Variants in SVOPL observed in about 807,000 individuals in gnomAD.
SVOPL encodes the protein putative transporter SVOPL.
SVOPL carries 60 observed loss-of-function variants against 61.0 expected under a neutral mutation model. The observed-to-expected ratio is 0.98, with a 90% CI of 0.80 to 1.22. The LOEUF is 1.22. Among genes scored for constraint, SVOPL ranks in the 50% most tolerant of loss-of-function variants. The pLI is 0.00. For synonymous variants in SVOPL, 279 were observed against 250.0 expected (o/e 1.12, Z -1.09); for missense variants, 662 against 643.9 (o/e 1.03, Z -0.30).
At chr7:138,637,670 G>A (rs1472162815) in intron 9 of SVOPL, among the ~76,000 whole-genome samples, 1 of 151,934 alleles carries the variant, frequency 6.6e-6, no homozygotes, top group African/African-American at 2.4e-5. Flanking sequence ...AAACCAAATC[G>A]GCCAGACGTA....
intron 6 of SVOPL, 91 bp from the exon 7 acceptor site, chr7:138,656,602 A>G (rs1584844719): frequency 7.5e-7 from 1 of 1,328,600 alleles, no homozygotes; most frequent in East Asian, 2.4e-5. Flanking sequence ...ACAGGGATAA[A>G]GAATTCAAAA....
At position 138,596,441 on chromosome 7, in the gene SVOPL, G is replaced by A. The variant is rs148292708; in HGVS notation, c.1443C>T (p.Ile481=). The change falls in exon 15 of 16, where the codon ATC becomes ATT. Residue 481 remains isoleucine (I), a synonymous_variant. Coordinates refer to ENST00000674285, the MANE Select transcript of SVOPL (RefSeq NM_001139456.2). ...VCAISAFTLP[I]ETKGRALQQI... is the part of the protein sequence containing the mutation. Reference sequence around the variant, plus strand: ...CCTGGAGGGCCCGTCCTTTGGTTTCGATGGGGAGAGTGAATGCAGAAATGG... The same window carrying A: ...CCTGGAGGGCCCGTCCTTTGGTTTCAATGGGGAGAGTGAATGCAGAAATGG... The A allele has an allele frequency of 4.3e-4, 697 of 1,613,866 alleles. 2 individuals carry two copies. The African/African-American group carries it at 7.7e-3, about 18-fold the overall frequency.
At chr7:138,676,181 G>A (rs920003718) in intron 3 of SVOPL, among the ~76,000 whole-genome samples, 14 of 152,182 alleles carry the variant, frequency 9.2e-5, no homozygotes, top group Admixed American at 6.5e-5. Context: ...AGGAGAAAGC[G>A]GGAGTAGTGG....
At chr7:138,679,741 T>G (rs1380170521) in intron 1 of SVOPL, among the ~76,000 whole-genome samples, 1 of 152,170 alleles carries the variant, frequency 6.6e-6, no homozygotes, top group African/African-American at 2.4e-5. Context: ...ACCCCATAAC[T>G]GGCAAGTACT....
intron 7 of SVOPL, among the ~76,000 whole-genome samples, chr7:138,654,914 G>A (rs1188928296): frequency 6.6e-6 from 1 of 150,480 alleles, no homozygotes; most frequent in Non-Finnish European, 1.5e-5. Flanking sequence ...GAGCCTGCTG[G>A]GTACAGTGGC....
At chr7:138,662,920 T>C (rs901017167) in intron 5 of SVOPL, 154 bp downstream of exon 5, 3 of 1,458,694 alleles carry the variant, frequency 2.1e-6, no homozygotes, top group African/African-American at 2.8e-5. Context: ...GTCCAGAAGA[T>C]AAGCCTGGAA....
intron 9 of SVOPL, among the ~76,000 whole-genome samples, chr7:138,634,700 T>A (rs1357338537): frequency 7.7e-6 from 1 of 130,420 alleles, no homozygotes; most frequent in Non-Finnish European, 1.6e-5. Flanking sequence ...TGGTGGCACA[T>A]GCCTGCAATT....
intron 14 of SVOPL, among the ~76,000 whole-genome samples, chr7:138,616,288 A>G (rs531198542): frequency 6.6e-6 from 1 of 152,144 alleles, no homozygotes; most frequent in Admixed American, 6.5e-5. Flanking sequence ...CCCTTGACCT[A>G]TTGGCAGAGG....
chr7:138,614,896 T>C lies in SVOPL; in HGVS notation c.1353+6150A>G, dbSNP rs140396265. ...GATTTTAAATGCTTTTCAATGCTTT[T>C]TTTGGATGCTGGACCATCTCATTTG... On this transcript the variant is annotated intron_variant, in intron 14 of 15. Coordinates refer to ENST00000674285, the MANE Select transcript of SVOPL (RefSeq NM_001139456.2). Among the ~76,000 whole-genome samples the C allele has an allele frequency of 4.7e-3, 720 of 152,278 alleles. 8 individuals carry two copies. Among genetic ancestry groups the C allele is most frequent in the African/African-American group, 0.017 (693 of 41,542 alleles).
intron 14 of SVOPL, among the ~76,000 whole-genome samples, chr7:138,599,082 A>G (rs557449246): frequency 1.4e-5 from 2 of 143,086 alleles, no homozygotes; most frequent in African/African-American, 5.3e-5. Context: ...CTATAATTGC[A>G]CCTGAGAATA....
Position 138,684,605 on chromosome 7 carries a change from CA to C in SVOPL, c.-34-5527del, listed in dbSNP as rs1218710226. ...GTTAGGACGGCGATTATCAAAAGGT[CA>C]AGAGAGAGATAGTTGTGGGAATGTG... On this transcript the variant is annotated intron_variant, in intron 1 of 15. Coordinates refer to ENST00000674285, the MANE Select transcript of SVOPL (RefSeq NM_001139456.2). 1.6e-4 allele frequency among the ~76,000 whole-genome samples: 24 copies of C among 152,144 alleles called. 1 individual carries two copies. The highest frequency in any genetic ancestry group is 1.3e-4 in the Non-Finnish European group (9 of 68,036).
chr7:138,619,685 G>T (rs1799464146), intron 14 of SVOPL, among the ~76,000 whole-genome samples: 1 of 150,708 alleles, frequency 6.6e-6, no homozygotes, highest in African/African-American at 2.4e-5. Context: ...ACCTGATAAA[G>T]TCTGCTCAGC....
At chr7:138,633,618 T>C (rs906292590) in intron 9 of SVOPL, among the ~76,000 whole-genome samples, 1 of 152,184 alleles carries the variant, frequency 6.6e-6, no homozygotes, top group African/African-American at 2.4e-5. Flanking sequence ...CAGGTATTCC[T>C]TTATAGCAAT....
chr7:138,624,250 AC>A (rs1268175941), intron 13 of SVOPL, among the ~76,000 whole-genome samples: 1 of 152,166 alleles, frequency 6.6e-6, no homozygotes, highest in Non-Finnish European at 1.5e-5. Flanking sequence ...TTTTAATAGA[AC>A]TGATGCTTAA....
At chr7:138,602,060 T>A (rs1402581500) in intron 14 of SVOPL, among the ~76,000 whole-genome samples, 2 of 152,134 alleles carry the variant, frequency 1.3e-5, no homozygotes, top group Non-Finnish European at 2.9e-5. Context: ...TAGTTGCACA[T>A]AAGCTGGGCA....
chr7:138,689,097 C>A, intron 1 of SVOPL: 1 of 753,960 alleles, frequency 1.3e-6, no homozygotes, highest in Non-Finnish European at 2.4e-6. Flanking sequence ...CAAGGGTATG[C>A]ATATATGAAA....
At chr7:138,654,240 T>C (rs1801590275) in intron 7 of SVOPL, among the ~76,000 whole-genome samples, 1 of 152,050 alleles carries the variant, frequency 6.6e-6, no homozygotes, top group Admixed American at 6.6e-5. Flanking sequence ...TTAATATTAA[T>C]TGACTGTACA....
intron 5 of SVOPL, chr7:138,662,774 G>C: frequency 8.5e-7 from 1 of 1,182,580 alleles, no homozygotes; most frequent in South Asian, 2.6e-5. Context: ...AGTTCAAATA[G>C]AGCCACTTAG....
rs1211987346 is a variant in SVOPL at position 138,700,541 on chromosome 7, A to G, written c.-35+637T>C. On this transcript the variant is annotated intron_variant, in intron 1 of 15. Transcript: ENST00000674285. The stretch of plus-strand genomic sequence containing the variant: ...TTTTTAGTAGAGACGGGGTTTCACC[A>G]TCTTGGTCAGGCTGGTCTTGAACTC... Among the ~76,000 whole-genome samples the G allele has an allele frequency of 3.3e-5, 5 of 152,012 alleles. No individual in the cohort carries two copies. In the South Asian group the frequency reaches 1.0e-3, roughly 32 times the overall value.
Sources: allele counts gnomAD v4.1 joint callset (sites outside exome capture counted in the v4.1 genomes callset), GRCh38; gene constraint gnomAD v4.1.1; transcripts MANE v1.5; gene names NCBI Gene and HGNC (gene_info 2026-07-23, HGNC 2026-07-21).